DCDC1: variants seen among roughly 807,000 people sequenced by gnomAD.
The protein encoded by DCDC1 is doublecortin domain-containing protein 1.
Under a neutral mutation model 178.3 loss-of-function variants are expected in DCDC1, and 200 were observed. The ratio of observed to expected loss-of-function variants is 1.12; its 90% CI spans 1.00 to 1.26. The LOEUF is 1.26. Ranked by LOEUF, DCDC1 falls within the 50% of genes most tolerant of loss-of-function variation. The pLI, the probability that DCDC1 is intolerant of heterozygous loss-of-function variation, is 0.00. For missense variants in DCDC1, 1,983 were observed against 1,749.2 expected (o/e 1.13, Z -2.38); for synonymous variants, 690 against 604.8 (o/e 1.14, Z -2.07).
intron 9 of DCDC1, among the ~76,000 whole-genome samples, chr11:31,158,162 G>C (rs970464198): frequency 2.0e-5 from 3 of 152,102 alleles, no homozygotes; most frequent in African/African-American, 2.4e-5. Flanking sequence ...AGGCTGGAGT[G>C]CAGTGGCGCA....
intron 9 of DCDC1, among the ~76,000 whole-genome samples, chr11:31,226,420 TC>T (rs1371115310): frequency 6.6e-6 from 1 of 150,394 alleles, no homozygotes; most frequent in African/African-American, 2.4e-5. Flanking sequence ...GCCACACATA[TC>T]CAAAAAATTC....
Position 31,219,018 on chromosome 11 carries a change from T to G in DCDC1, c.1221+22432A>C, listed in dbSNP as rs992545665. 2.0e-5 allele frequency among the ~76,000 whole-genome samples: 3 copies of G among 152,046 alleles called. No individual in the cohort carries two copies. In the East Asian group the frequency reaches 5.8e-4, roughly 29 times the overall value. On this transcript the variant is annotated intron_variant, in intron 9 of 38. Coordinates refer to ENST00000684477, the MANE Select transcript of DCDC1 (RefSeq NM_001387274.1). Reference sequence around the variant, plus strand: ...AGGAGTGATCATAGCAAGGACAAGTTTAAACAAGCTTTGACCTGGAAGAAC... The same window carrying G: ...AGGAGTGATCATAGCAAGGACAAGTGTAAACAAGCTTTGACCTGGAAGAAC...
intron 1 of DCDC1, among the ~76,000 whole-genome samples, chr11:31,360,586 G>A (rs1234546828): frequency 6.6e-6 from 1 of 152,166 alleles, no homozygotes; most frequent in Non-Finnish European, 1.5e-5. Context: ...AAAGTTATGT[G>A]ACTCTGTTCT....
At chr11:30,917,490 TC>T (rs1311921597) in intron 25 of DCDC1, among the ~76,000 whole-genome samples, 1 of 152,198 alleles carries the variant, frequency 6.6e-6, no homozygotes, top group East Asian at 1.9e-4. Context: ...CCAAGATTTC[TC>T]CACAGAGAAA....
chr11:31,173,770 A>ACACC (rs1048605717), intron 9 of DCDC1, among the ~76,000 whole-genome samples: 6 of 76,116 alleles, frequency 7.9e-5, no homozygotes, highest in South Asian at 6.2e-4. Flanking sequence ...ACACACACAC[A>ACACC]CCCCCACATC....
chr11:31,029,717 A>G (rs1459013937), intron 20 of DCDC1, among the ~76,000 whole-genome samples: 1 of 152,156 alleles, frequency 6.6e-6, no homozygotes, highest in Admixed American at 6.5e-5. Flanking sequence ...ATACTTCTTT[A>G]TAACAATAAA....
intron 7 of DCDC1, among the ~76,000 whole-genome samples, chr11:31,273,736 T>C (rs971795331): frequency 3.3e-5 from 5 of 152,184 alleles, no homozygotes; most frequent in Non-Finnish European, 5.9e-5. Flanking sequence ...TTTACTGTAT[T>C]AGTCCATTTC....
At chr11:30,956,549 G>C (rs960674564) in intron 20 of DCDC1, among the ~76,000 whole-genome samples, 1 of 152,042 alleles carries the variant, frequency 6.6e-6, no homozygotes, top group South Asian at 2.1e-4. Context: ...CTATGCATAG[G>C]AGCAAGTATC....
intron 8 of DCDC1, among the ~76,000 whole-genome samples, chr11:31,251,599 G>A (rs1341446356): frequency 6.6e-6 from 1 of 151,930 alleles, no homozygotes; most frequent in Admixed American, 6.6e-5. Flanking sequence ...AACAAATTAA[G>A]AGAGAGACAG....
intron 20 of DCDC1, among the ~76,000 whole-genome samples, chr11:31,062,959 A>T (rs1262607562): frequency 7.5e-5 from 6 of 80,470 alleles, no homozygotes; most frequent in African/African-American, 3.0e-4. Context: ...CCCCCACCCC[A>T]CAACAGTCCC....
intron 1 of DCDC1, among the ~76,000 whole-genome samples, chr11:31,346,481 A>AG (rs1277173961): frequency 6.6e-6 from 1 of 151,396 alleles, no homozygotes; most frequent in East Asian, 1.9e-4. Context: ...AAAAAAAAAA[A>AG]AAAAAAAGAA....
At chr11:31,359,302 G>T (rs1160702369) in intron 1 of DCDC1, among the ~76,000 whole-genome samples, 1 of 151,926 alleles carries the variant, frequency 6.6e-6, no homozygotes, top group Non-Finnish European at 1.5e-5. Context: ...GATGAAATTG[G>T]AAATCATCAT....
chr11:31,086,818 T>C (rs181541141), intron 17 of DCDC1, among the ~76,000 whole-genome samples: 6 of 152,304 alleles, frequency 3.9e-5, no homozygotes, highest in Non-Finnish European at 7.4e-5. Flanking sequence ...TTGTTAATCA[T>C]TTTTTGCACT....
chr11:31,030,197 T>C (rs1220882318), intron 20 of DCDC1, among the ~76,000 whole-genome samples: 1 of 152,142 alleles, frequency 6.6e-6, no homozygotes, highest in Non-Finnish European at 1.5e-5. Flanking sequence ...TTATGGCTAT[T>C]TACATTTTCA....
At chr11:31,128,458 T>C (rs1275421690) in intron 10 of DCDC1, among the ~76,000 whole-genome samples, 1 of 152,152 alleles carries the variant, frequency 6.6e-6, no homozygotes, top group African/African-American at 2.4e-5. Context: ...GACTCTTCAC[T>C]GTTTTATGTA....
chr11:31,026,718 T>C (rs1164573634), intron 20 of DCDC1, among the ~76,000 whole-genome samples: 1 of 151,830 alleles, frequency 6.6e-6, no homozygotes, highest in Non-Finnish European at 1.5e-5. Flanking sequence ...AGCATGTAAA[T>C]TATCACAATG....
intron 20 of DCDC1, among the ~76,000 whole-genome samples, chr11:30,970,321 C>G (rs1442266536): frequency 1.3e-5 from 2 of 152,108 alleles, no homozygotes; most frequent in Admixed American, 1.3e-4. Context: ...TTTTGAGGGC[C>G]CAGTCCCCAC....
chr11:31,281,443 A>T (rs11031338), intron 7 of DCDC1, among the ~76,000 whole-genome samples: 44,568 of 151,356 alleles, frequency 0.29, 7,985 homozygotes, highest in East Asian at 0.63. Context: ...TGCTATGAAA[A>T]TTTTTTTTTG....
chr11:31,260,067 G>A (rs978648553), intron 8 of DCDC1, among the ~76,000 whole-genome samples: 1 of 152,134 alleles, frequency 6.6e-6, no homozygotes, highest in Admixed American at 6.6e-5. Context: ...CAACTTCTGA[G>A]GTCCTAAGGG....
Sources: gnomAD v4.1 joint callset for allele counts (sites outside exome capture counted in the v4.1 genomes callset) on GRCh38, gnomAD v4.1.1 for gene constraint, MANE v1.5 for transcripts, NCBI Gene and HGNC (gene_info 2026-07-23, HGNC 2026-07-21) for gene names.